TMED5: variants seen among roughly 807,000 people sequenced by gnomAD.
TMED5 encodes the protein transmembrane emp24 domain-containing protein 5.
TMED5 carries 27 observed loss-of-function variants against 23.0 expected under a neutral mutation model. The ratio of observed to expected loss-of-function variants is 1.17; its 90% CI spans 0.86 to 1.62. The LOEUF (loss-of-function observed/expected upper bound fraction) is 1.62. Ranked by LOEUF, TMED5 falls within the 40% of genes most tolerant of loss-of-function variation. TMED5 has a pLI of 0.00. For missense variants in TMED5, 248 were observed against 273.7 expected (o/e 0.91, Z 0.66); for synonymous variants, 97 against 100.8 (o/e 0.96, Z 0.23).
At chr1:93,178,775 TC>T (rs1649057439) in intron 1 of TMED5, among the ~76,000 whole-genome samples, 2 of 152,258 alleles carry the variant, frequency 1.3e-5, no homozygotes, top group Admixed American at 1.3e-4. Flanking sequence ...ATCCTAAAGT[TC>T]CATCGTATAA....
chr1:93,162,658 T>C (rs1648324364), intron 1 of TMED5: 1 of 152,050 alleles, frequency 6.6e-6, no homozygotes, highest in South Asian at 2.1e-4. Flanking sequence ...GATGAAAATC[T>C]TCAGACAGAA....
chr1:93,154,829 A>G lies in TMED5; in HGVS notation c.531T>C (p.Leu177=), dbSNP rs753987322. 6.2e-7 allele frequency: 1 copy of G among 1,614,042 alleles called. No homozygotes were observed. The highest frequency in any genetic ancestry group is 8.5e-7 in the Non-Finnish European group (1 of 1,179,888). The change falls in exon 4 of 4, where the codon CTT becomes CTC. Residue 177 remains leucine, a synonymous_variant. Transcript: ENST00000370282. ...LSKSGHIQTL[L]RAFEARDRNI... is the part of the protein sequence containing the mutation. ...TTCGATCACGAGCTTCAAATGCTCTAAGCAGAGTTTGTATGTGCCCACTTT... is the reference window on the plus strand; with the variant it reads ...TTCGATCACGAGCTTCAAATGCTCTGAGCAGAGTTTGTATGTGCCCACTTT...
chr1:93,175,996 T>G (rs1648897127), intron 1 of TMED5, among the ~76,000 whole-genome samples: 1 of 152,184 alleles, frequency 6.6e-6, no homozygotes. Flanking sequence ...GTATAGAAAC[T>G]GGTACAGAGA....
intron 1 of TMED5, among the ~76,000 whole-genome samples, chr1:93,170,310 G>A (rs377294709): frequency 6.8e-4 from 103 of 152,346 alleles, no homozygotes; most frequent in African/African-American, 2.2e-3. Flanking sequence ...TGATGCTTGC[G>A]GGCCAGCTCG....
chr1:93,180,380 G>C lies in TMED5; in HGVS notation c.-138C>G, dbSNP rs923325766. Reference sequence around the variant, plus strand: ...TCCAGGTGGCGGCCGCGGCGGCGGCGAACACTCCCTCCGAAAGAGAAGCGC... The same window carrying C: ...TCCAGGTGGCGGCCGCGGCGGCGGCCAACACTCCCTCCGAAAGAGAAGCGC... On this transcript the variant is annotated 5_prime_UTR_variant, in exon 1 of 4. Transcript: ENST00000370282. 316 of 1,256,952 alleles carry C rather than the reference G, an allele frequency of 2.5e-4. No homozygotes were observed. Among genetic ancestry groups the C allele is most frequent in the Non-Finnish European group, 3.3e-4 (307 of 916,444 alleles). The allele number at this position is 1,256,952 out of a possible 1,614,324, so 77.9% of individuals were successfully genotyped here. A position where few individuals can be genotyped will look rare whatever the true frequency, so the allele number is the denominator to read the frequency against.
Position 93,160,081 on chromosome 1 carries a change from C to A in TMED5, c.287+48G>T, listed in dbSNP as rs764235551. The A allele has an allele frequency of 5.3e-6, 6 of 1,127,490 alleles. No individual in the cohort carries two copies. In the African/African-American group the frequency reaches 7.7e-5, roughly 14 times the overall value. The allele number at this position is 1,127,490 out of a possible 1,614,324, so 69.8% of individuals were successfully genotyped here. Reference sequence around the variant, plus strand: ...TAACTTTCCATGCCCTGCAGATAACCCACTGGTATTATTCAGCAATGAAAC... The same window carrying A: ...TAACTTTCCATGCCCTGCAGATAACACACTGGTATTATTCAGCAATGAAAC... On this transcript the variant is annotated intron_variant, in intron 2 of 3. Transcript: ENST00000370282.
intron 1 of TMED5, among the ~76,000 whole-genome samples, chr1:93,173,225 T>C (rs1054738633): frequency 2.0e-5 from 3 of 152,246 alleles, no homozygotes; most frequent in African/African-American, 7.2e-5. Context: ...TAAAAAATTA[T>C]AGGCAAGGCA....
chr1:93,154,956 G>C, intron 3 of TMED5, 68 bp from the exon 4 acceptor site: 1 of 1,200,758 alleles, frequency 8.3e-7, no homozygotes. Context: ...TAAAAAATGA[G>C]GCTGGGTGCA....
chr1:93,173,480 C>A (rs1648798378), intron 1 of TMED5, among the ~76,000 whole-genome samples: 1 of 152,090 alleles, frequency 6.6e-6, no homozygotes, highest in South Asian at 2.1e-4. Flanking sequence ...AGTGAAAATG[C>A]AGAAGCAGAA....
chr1:93,169,587 C>A (rs1648626219), intron 1 of TMED5, among the ~76,000 whole-genome samples: 1 of 30,756 alleles, frequency 3.3e-5, no homozygotes, highest in African/African-American at 9.5e-5. Flanking sequence ...AACAAGAAAT[C>A]AACGCAGAAA....
intron 1 of TMED5, among the ~76,000 whole-genome samples, chr1:93,165,314 A>G (rs533008837): frequency 6.6e-6 from 1 of 152,364 alleles, no homozygotes; most frequent in Non-Finnish European, 1.5e-5. Context: ...AGCATCAGGA[A>G]AGGAATAAAT....
chr1:93,153,729 C>T lies in TMED5; in HGVS notation c.*941G>A, dbSNP rs1016939123. On this transcript the variant is annotated 3_prime_UTR_variant, in exon 4 of 4. Transcript: ENST00000370282. Reference sequence around the variant, plus strand: ...ATATTTATTTATGGTAGGCCCAGATCATTTTAGCAATATTTCCTTCATAAC... The same window carrying T: ...ATATTTATTTATGGTAGGCCCAGATTATTTTAGCAATATTTCCTTCATAAC... 6.6e-6 allele frequency: 1 copy of T among 152,074 alleles called. No individual in the cohort carries two copies. The highest frequency in any genetic ancestry group is 2.4e-5 in the African/African-American group (1 of 41,444). 9.4% of individuals were successfully genotyped at this position (152,074 alleles called of 1,614,324 possible). A position where few individuals can be genotyped will look rare whatever the true frequency, so the allele number is the denominator to read the frequency against.
At position 93,154,843 on chromosome 1, in the gene TMED5, T is replaced by A. The variant is rs758509494; in HGVS notation, c.517A>T (p.Ile173Leu). ...IKSRLSKSGH[I>L]QTLLRAFEAR... is the part of the protein sequence containing the mutation. ...TCAAATGCTCTAAGCAGAGTTTGTA[T>A]GTGCCCACTTTTGCTTAGTCTGGAC... The change falls in exon 4 of 4, where the codon ATA (isoleucine) becomes TTA (leucine). Residue 173 changes from isoleucine (I) to leucine (L), a missense_variant. By Grantham distance (5) the Ile-to-Leu change is conservative. Coordinates refer to ENST00000370282, the MANE Select transcript of TMED5 (RefSeq NM_016040.5). 14 of 1,613,938 alleles carry A rather than the reference T, an allele frequency of 8.7e-6. No individual in the cohort carries two copies. The South Asian group carries it at 1.5e-4, about 18-fold the overall frequency.
chr1:93,179,164 C>T (rs1649105798), intron 1 of TMED5, among the ~76,000 whole-genome samples: 2 of 152,084 alleles, frequency 1.3e-5, no homozygotes, highest in Non-Finnish European at 2.9e-5. Flanking sequence ...GAGTTCGAGA[C>T]CAGCCTGGCC....
At chr1:93,176,803 T>C (rs1648928638) in intron 1 of TMED5, among the ~76,000 whole-genome samples, 1 of 152,208 alleles carries the variant, frequency 6.6e-6, no homozygotes, top group Non-Finnish European at 1.5e-5. Context: ...ACTGTTGGGA[T>C]TACAGGTGTG....
In TMED5 at chr1:93,150,140, G is replaced by A. The variant is rs936733245; in HGVS notation, c.*4530C>T. On this transcript the variant is annotated 3_prime_UTR_variant, in exon 4 of 4. Coordinates refer to ENST00000370282, the MANE Select transcript of TMED5 (RefSeq NM_016040.5). The stretch of plus-strand genomic sequence containing the variant: ...ACATTCTCCTTCCCTTCAGTCCCAA[G>A]ACCTGGCAACCACGAATCTTGTTTC... The A allele has an allele frequency of 8.5e-5, 13 of 152,104 alleles. No individual in the cohort carries two copies. The highest frequency in any genetic ancestry group is 2.9e-4 in the African/African-American group (12 of 41,398). 9.4% of individuals were successfully genotyped at this position (152,104 alleles called of 1,614,324 possible).
chr1:93,174,114 C>A (rs533193204), intron 1 of TMED5, among the ~76,000 whole-genome samples: 1 of 152,030 alleles, frequency 6.6e-6, no homozygotes, highest in Non-Finnish European at 1.5e-5. Context: ...CGCACCACTG[C>A]GCCCAGCTAA....
chr1:93,156,501 C>T lies in TMED5; in HGVS notation c.288-18G>A, dbSNP rs2101126720. ...TCTCTACACTGTATAAAAAAAAGTA[C>T]ATGTTTTAAGTTACCTGTATTTCTA... is the stretch of plus-strand genomic sequence containing the variant. On this transcript the variant is annotated intron_variant, in intron 2 of 3. Coordinates refer to ENST00000370282, the MANE Select transcript of TMED5 (RefSeq NM_016040.5). 6.3e-7 allele frequency: 1 copy of T among 1,599,468 alleles called. No homozygotes were observed. Among genetic ancestry groups the T allele is most frequent in the South Asian group, 1.1e-5 (1 of 89,534 alleles).
rs756423286 is a variant in TMED5, at chr1:93,160,109, A to T, written c.287+20T>A. ...CTGGTATTATTCAGCAATGAAACTC[A>T]ACTAAAAGAGATTACTTACGTGTGA... On this transcript the variant is annotated intron_variant, in intron 2 of 3. Coordinates refer to ENST00000370282, the MANE Select transcript of TMED5 (RefSeq NM_016040.5). 6.5e-7 allele frequency: 1 copy of T among 1,530,486 alleles called. No homozygotes were observed. Among genetic ancestry groups the T allele is most frequent in the African/African-American group, 1.4e-5 (1 of 73,304 alleles). The allele number at this position is 1,530,486 out of a possible 1,614,324, so 94.8% of individuals were successfully genotyped here.
Sources: allele counts gnomAD v4.1 joint callset (sites outside exome capture counted in the v4.1 genomes callset), GRCh38; gene constraint gnomAD v4.1.1; transcripts MANE v1.5; gene names NCBI Gene and HGNC (gene_info 2026-07-23, HGNC 2026-07-21).